The following ZNG1B variants were observed in gnomAD, a reference collection of about 807,000 sequenced individuals.
ZNG1B encodes the protein Zn regulated GTPase metalloprotein activator 1B.
At chr2:113,448,835 C>T in the ZNG1B span, among the ~76,000 whole-genome samples, 13 of 151,382 alleles carry the variant, frequency 8.6e-5, no homozygotes, top group East Asian at 1.2e-3. Flanking sequence ...ACCCGGGAGA[C>T]GGAGGTGGCT....
At chr2:113,453,242 T>G in the ZNG1B span, 54 of 1,453,664 alleles carry the variant, frequency 3.7e-5, no homozygotes, top group African/African-American at 6.1e-4. Context: ...TGTTTTTTGT[T>G]TTTTTTTTTA....
the ZNG1B span, among the ~76,000 whole-genome samples, chr2:113,442,735 C>T: frequency 1.3e-5 from 2 of 152,088 alleles, no homozygotes; most frequent in African/African-American, 4.8e-5. Flanking sequence ...TCTTTAGAAG[C>T]TCTTTATTAA....
the ZNG1B span, among the ~76,000 whole-genome samples, chr2:113,476,777 G>A: frequency 8.5e-5 from 13 of 152,128 alleles, no homozygotes; most frequent in South Asian, 2.1e-4. Context: ...GTACCCGGCC[G>A]TGTGAGGTGT....
chr2:113,478,588 T>C, the ZNG1B span, among the ~76,000 whole-genome samples: 2 of 151,978 alleles, frequency 1.3e-5, no homozygotes, highest in Non-Finnish European at 2.9e-5. Context: ...GCCTTATATA[T>C]ATATTTCTAA....
At chr2:113,490,102 T>C in the ZNG1B span, among the ~76,000 whole-genome samples, 1 of 151,008 alleles carries the variant, frequency 6.6e-6, no homozygotes, top group Non-Finnish European at 1.5e-5. Context: ...AGATAGACCA[T>C]ATGATAGCCA....
At chr2:113,445,025 C>T in the ZNG1B span, 1 of 1,610,638 alleles carries the variant, frequency 6.2e-7, no homozygotes, top group Non-Finnish European at 8.5e-7. Flanking sequence ...TGATTACATA[C>T]TGTTAGAGAC....
At chr2:113,444,492 A>G in the ZNG1B span, 32 of 153,846 alleles carry the variant, frequency 2.1e-4, no homozygotes, top group Non-Finnish European at 4.2e-4. Context: ...CAACCAAAAT[A>G]TAATCTATTA....
chr2:113,438,828 T>TG, the ZNG1B span, among the ~76,000 whole-genome samples: 9 of 152,376 alleles, frequency 5.9e-5, no homozygotes, highest in South Asian at 1.4e-3. Context: ...AAAATGATAC[T>TG]GTTTCCGGGA....
the ZNG1B span, chr2:113,444,887 A>G: frequency 1.3e-6 from 2 of 1,584,458 alleles, no homozygotes; most frequent in Non-Finnish European, 1.7e-6. Context: ...GTTGTTGAAT[A>G]TATTTTAAAG....
At chr2:113,442,169 A>C in the ZNG1B span, among the ~76,000 whole-genome samples, 1 of 152,140 alleles carries the variant, frequency 6.6e-6, no homozygotes, top group Non-Finnish European at 1.5e-5. Context: ...ATGCAGTTAA[A>C]ACTCAATATT....
At chr2:113,472,192 A>G in the ZNG1B span, among the ~76,000 whole-genome samples, 34,001 of 148,256 alleles carry the variant, frequency 0.23, 4,372 homozygotes, top group East Asian at 0.51. Flanking sequence ...GGTGTGAGAT[A>G]GTATCTCATT....
chr2:113,483,261 T>C, the ZNG1B span, among the ~76,000 whole-genome samples: 2 of 150,768 alleles, frequency 1.3e-5, no homozygotes, highest in Non-Finnish European at 3.0e-5. Context: ...CCATGAGCGT[T>C]TGGGGCGGCC....
At chr2:113,460,194 AGTATT>A in the ZNG1B span, among the ~76,000 whole-genome samples, 4 of 147,094 alleles carry the variant, frequency 2.7e-5, no homozygotes, top group Non-Finnish European at 6.0e-5. Context: ...GGTGTAGGGA[AGTATT>A]TTAGATTCTA....
chr2:113,472,498 C>T, the ZNG1B span, among the ~76,000 whole-genome samples: 6 of 151,762 alleles, frequency 4.0e-5, no homozygotes, highest in African/African-American at 1.5e-4. Context: ...AATTAGATCC[C>T]ATCTGTCAAT....
At chr2:113,477,789 A>G in the ZNG1B span, among the ~76,000 whole-genome samples, 3 of 152,186 alleles carry the variant, frequency 2.0e-5, no homozygotes, top group Non-Finnish European at 2.9e-5. Context: ...TTTATAACTG[A>G]AGCTTTATAC....
the ZNG1B span, among the ~76,000 whole-genome samples, chr2:113,451,396 G>T: frequency 2.1e-5 from 3 of 141,196 alleles, no homozygotes; most frequent in Non-Finnish European, 3.1e-5. Flanking sequence ...TTTATTTTTT[G>T]TTTTATTAGA....
At chr2:113,454,974 G>GTTTGA in the ZNG1B span, among the ~76,000 whole-genome samples, 4 of 151,580 alleles carry the variant, frequency 2.6e-5, no homozygotes, top group Admixed American at 6.6e-5. Flanking sequence ...ATTACTCTGA[G>GTTTGA]TTTGATTTGG....
At chr2:113,487,308 T>C in the ZNG1B span, among the ~76,000 whole-genome samples, 1 of 152,012 alleles carries the variant, frequency 6.6e-6, no homozygotes, top group African/African-American at 2.4e-5. Flanking sequence ...ACTATCATGT[T>C]TGTATAACAA....
the ZNG1B span, among the ~76,000 whole-genome samples, chr2:113,484,219 G>A: frequency 4.2e-5 from 6 of 142,446 alleles, no homozygotes; most frequent in African/African-American, 1.6e-4. Flanking sequence ...GGATAGTAAT[G>A]GAGAAGCATA....
Sources: allele counts gnomAD v4.1 joint callset (sites outside exome capture counted in the v4.1 genomes callset), GRCh38; gene constraint gnomAD v4.1.1; transcripts MANE v1.5; gene names NCBI Gene and HGNC (gene_info 2026-07-23, HGNC 2026-07-21).